The following GRIK2 variants were observed in gnomAD, a reference collection of about 807,000 sequenced individuals.
GRIK2 encodes the protein glutamate ionotropic receptor kainate type subunit 2.
In GRIK2, 32 loss-of-function variants were observed where a neutral mutation model predicts 100.3. The observed-to-expected ratio is 0.32, with a 90% confidence interval of 0.24 to 0.43. The LOEUF is 0.43. Among genes scored for constraint, GRIK2 ranks in the 20% least tolerant of loss-of-function variants. The pLI, the probability that GRIK2 is intolerant of heterozygous loss-of-function variation, is 1.00. For synonymous variants in GRIK2, 417 were observed against 389.4 expected, an observed-to-expected ratio of 1.07 and a Z score of -0.83; for missense variants, 843 against 1,114.9, an observed-to-expected ratio of 0.76 and a Z score of 3.47.
chr6:101,504,645 A>AG (rs1773928543), intron 2 of GRIK2, among the ~76,000 whole-genome samples: 1 of 152,012 alleles, frequency 6.6e-6, no homozygotes, highest in South Asian at 2.1e-4. Flanking sequence ...CACTGGATTT[A>AG]GTAATGGAAC....
chr6:101,600,850 A>C (rs2128309945), intron 2 of GRIK2, among the ~76,000 whole-genome samples: 1 of 151,928 alleles, frequency 6.6e-6, no homozygotes, highest in African/African-American at 2.4e-5. Context: ...TCATATCATC[A>C]GTGAAGGCAG....
chr6:101,670,943 G>A (rs142978556), intron 4 of GRIK2, among the ~76,000 whole-genome samples: 16 of 152,182 alleles, frequency 1.1e-4, no homozygotes, highest in African/African-American at 3.4e-4. Context: ...AAAGCCACAC[G>A]GATTGTAAAA....
intron 4 of GRIK2, among the ~76,000 whole-genome samples, chr6:101,648,109 T>A (rs1408074040): frequency 6.6e-6 from 1 of 152,108 alleles, no homozygotes; most frequent in Non-Finnish European, 1.5e-5. Context: ...CATTTGAGTA[T>A]ATTTCTAATC....
chr6:101,984,655 A>ACACACACACACACACC (rs369665252), intron 14 of GRIK2, among the ~76,000 whole-genome samples: 37 of 148,744 alleles, frequency 2.5e-4, no homozygotes, highest in African/African-American at 5.2e-4. Flanking sequence ...ACACACACAC[A>ACACACACACACACACC]CCCTTCAACT....
At chr6:101,631,302 T>C (rs1178555021) in intron 4 of GRIK2, among the ~76,000 whole-genome samples, 1 of 152,146 alleles carries the variant, frequency 6.6e-6, no homozygotes, top group Admixed American at 6.6e-5. Context: ...GTTGTTCATA[T>C]TTGCTTTAAA....
At chr6:101,742,498 G>A (rs916977815) in intron 7 of GRIK2, among the ~76,000 whole-genome samples, 1 of 152,112 alleles carries the variant, frequency 6.6e-6, no homozygotes, top group Non-Finnish European at 1.5e-5. Context: ...CTGAGAACAC[G>A]TCCTCAAGGT....
intron 4 of GRIK2, among the ~76,000 whole-genome samples, chr6:101,652,149 T>C (rs556454346): frequency 6.6e-6 from 1 of 152,158 alleles, no homozygotes; most frequent in Non-Finnish European, 1.5e-5. Flanking sequence ...TAAGTGAGAA[T>C]GCAAGGTGCA....
intron 10 of GRIK2, among the ~76,000 whole-genome samples, chr6:101,848,447 A>T (rs1783931274): frequency 6.6e-6 from 1 of 152,154 alleles, no homozygotes; most frequent in African/African-American, 2.4e-5. Context: ...CCTCTAGTCT[A>T]CATATCTATA....
chr6:102,028,936 C>T (rs1769845677), intron 14 of GRIK2, among the ~76,000 whole-genome samples: 1 of 150,932 alleles, frequency 6.6e-6, no homozygotes, highest in Admixed American at 6.6e-5. Context: ...TCTTTATGAT[C>T]CTCTAATTTG....
chr6:101,465,364 T>G (rs1334355629), intron 2 of GRIK2, among the ~76,000 whole-genome samples: 1 of 152,202 alleles, frequency 6.6e-6, no homozygotes, highest in Non-Finnish European at 1.5e-5. Context: ...AGTGAGAACG[T>G]GGTATTTCAC....
At chr6:101,821,838 T>A (rs1037209342) in intron 10 of GRIK2, among the ~76,000 whole-genome samples, 2 of 152,070 alleles carry the variant, frequency 1.3e-5, no homozygotes, top group African/African-American at 4.8e-5. Context: ...ATTTTGCCCT[T>A]TTCTCTTGAA....
At chr6:101,451,487 C>T (rs1770676779) in intron 2 of GRIK2, among the ~76,000 whole-genome samples, 1 of 151,514 alleles carries the variant, frequency 6.6e-6, no homozygotes, top group Non-Finnish European at 1.5e-5. Flanking sequence ...TAAAACTAGA[C>T]TAATTATGTG....
At chr6:101,665,149 C>G (rs1271488002) in intron 4 of GRIK2, among the ~76,000 whole-genome samples, 1 of 152,144 alleles carries the variant, frequency 6.6e-6, no homozygotes, top group Non-Finnish European at 1.5e-5. Flanking sequence ...GGTAGGTGCT[C>G]CTTGGCATTG....
intron 2 of GRIK2, among the ~76,000 whole-genome samples, chr6:101,441,355 C>T (rs1334721905): frequency 6.6e-6 from 1 of 152,130 alleles, no homozygotes; most frequent in Non-Finnish European, 1.5e-5. Context: ...TCTGATACCA[C>T]AGTGTAAGTA....
intron 2 of GRIK2, among the ~76,000 whole-genome samples, chr6:101,412,828 C>T (rs1775945240): frequency 6.6e-6 from 1 of 151,800 alleles, no homozygotes; most frequent in African/African-American, 2.4e-5. Context: ...TACCTTTGAC[C>T]TTTCTATTGG....
intron 2 of GRIK2, among the ~76,000 whole-genome samples, chr6:101,408,933 G>A (rs1046661141): frequency 1.3e-5 from 2 of 152,040 alleles, no homozygotes; most frequent in African/African-American, 4.8e-5. Context: ...TTAAGACATG[G>A]CCAGATCAAA....
At chr6:101,460,561 C>T (rs1771252309) in intron 2 of GRIK2, among the ~76,000 whole-genome samples, 1 of 152,142 alleles carries the variant, frequency 6.6e-6, no homozygotes, top group Non-Finnish European at 1.5e-5. Flanking sequence ...GTTTGGATTA[C>T]TTTTCTATTA....
chr6:101,531,978 C>CA (rs1377295355), intron 2 of GRIK2, among the ~76,000 whole-genome samples: 3 of 151,864 alleles, frequency 2.0e-5, no homozygotes, highest in African/African-American at 7.3e-5. Context: ...ATCTATATCC[C>CA]AAAGCCCATT....
At chr6:101,457,768 C>T (rs1434351990) in intron 2 of GRIK2, among the ~76,000 whole-genome samples, 1 of 151,964 alleles carries the variant, frequency 6.6e-6, no homozygotes, top group East Asian at 1.9e-4. Context: ...ACAAGGTTGA[C>T]CTGGAATTAG....
Sources: gnomAD v4.1 joint callset for allele counts (sites outside exome capture counted in the v4.1 genomes callset) on GRCh38, gnomAD v4.1.1 for gene constraint, MANE v1.5 for transcripts, NCBI Gene and HGNC (gene_info 2026-07-23, HGNC 2026-07-21) for gene names.